LHFPL5: variants seen among roughly 807,000 people sequenced by gnomAD.
LHFPL5 encodes LHFPL tetraspan subfamily member 5 protein.
Under a neutral mutation model 18.7 loss-of-function variants are expected in LHFPL5, and 12 were observed. The observed-to-expected ratio is 0.64, with a 90% CI of 0.41 to 1.04. LHFPL5 has a LOEUF of 1.04. LHFPL5 is among the 50% of genes least tolerant of loss of function. The pLI is 0.00. For missense variants in LHFPL5, 259 were observed against 292.1 expected (o/e 0.89, Z 0.83); for synonymous variants, 111 against 120.2 (o/e 0.92, Z 0.50).
chr6:35,807,965 G>C (rs1158947060), intron 1 of LHFPL5, among the ~76,000 whole-genome samples: 1 of 152,146 alleles, frequency 6.6e-6, no homozygotes, highest in Non-Finnish European at 1.5e-5. Flanking sequence ...TGGGTAACTT[G>C]TCTTTGAGCA....
At chr6:35,808,318 T>C (rs1436459217) in intron 1 of LHFPL5, among the ~76,000 whole-genome samples, 1 of 142,244 alleles carries the variant, frequency 7.0e-6, no homozygotes, top group Non-Finnish European at 1.5e-5. Flanking sequence ...TATATATAAA[T>C]TAAAAATAAT....
intron 1 of LHFPL5, among the ~76,000 whole-genome samples, chr6:35,808,564 CATATAT>C (rs56343421): frequency 0.16 from 13,895 of 86,800 alleles, 977 homozygotes; most frequent in South Asian, 0.2. Flanking sequence ...TCATTTTATA[CATATAT>C]ATATATATAT....
At chr6:35,819,629 C>A in intron 3 of LHFPL5, 166 bp downstream of exon 3, 1 of 681,918 alleles carries the variant, frequency 1.5e-6, no homozygotes, top group Non-Finnish European at 2.7e-6. Flanking sequence ...AGCTATTTGG[C>A]CTCTGAGACC....
At chr6:35,812,290 G>A (rs374599410) in intron 1 of LHFPL5, among the ~76,000 whole-genome samples, 5 of 152,186 alleles carry the variant, frequency 3.3e-5, no homozygotes, top group African/African-American at 1.2e-4. Flanking sequence ...AGCAGGGAAG[G>A]TAACTTTAGG....
intron 1 of LHFPL5, among the ~76,000 whole-genome samples, chr6:35,810,913 C>T (rs1385976505): frequency 6.6e-6 from 1 of 151,916 alleles, no homozygotes; most frequent in African/African-American, 2.4e-5. Context: ...AGTAACAAAC[C>T]ACTCCCAAAT....
At chr6:35,806,106 A>T in intron 1 of LHFPL5, 24 bp downstream of exon 1, 2 of 1,611,184 alleles carry the variant, frequency 1.2e-6, no homozygotes, top group South Asian at 2.2e-5. Flanking sequence ...GTGGGAGGGC[A>T]GGCAGGGGCC....
In LHFPL5 at chr6:35,814,330, C is replaced by A. The variant is rs1768721065; in HGVS notation, c.413-216C>A. ...GAGCTCAGCTCTGCCTCCGCCCCAA[C>A]TACTGGGTCTCGGGGGCCAGTTGCT... On this transcript the variant is annotated intron_variant, in intron 1 of 3. Coordinates refer to ENST00000360215, the MANE Select transcript of LHFPL5 (RefSeq NM_182548.4). This position sits in a 1 kb window ranked among gnomAD's most constrained non-coding sequence, Gnocchi z 4.2. Among the ~76,000 whole-genome samples the A allele has an allele frequency of 6.6e-6, 1 of 152,156 alleles. No individual in the cohort carries two copies. Among genetic ancestry groups the A allele is most frequent in the African/African-American group, 2.4e-5 (1 of 41,444 alleles).
chr6:35,821,907 T>C (rs1768875964), intron 3 of LHFPL5, among the ~76,000 whole-genome samples: 1 of 134,180 alleles, frequency 7.5e-6, no homozygotes, highest in African/African-American at 2.7e-5. Context: ...AGGGTCTTGC[T>C]CTGTTGCCTA....
At position 35,819,741 on chromosome 6, in the gene LHFPL5, G is replaced by C. The variant is rs959059762; in HGVS notation, c.*16+278G>C. On this transcript the variant is annotated intron_variant, in intron 3 of 3. Coordinates refer to ENST00000360215, the MANE Select transcript of LHFPL5 (RefSeq NM_182548.4). ...TGCCCAAGCTGGAGTGCAATGGTGC[G>C]ATCTCGGCTCACTGCAACCTCCACC... 3 of 469,214 alleles carry C rather than the reference G, an allele frequency of 6.4e-6. No individual in the cohort carries two copies. In the Admixed American group the frequency reaches 1.0e-4, roughly 16 times the overall value. 29.1% of individuals were successfully genotyped at this position (469,214 alleles called of 1,614,324 possible). A position where few individuals can be genotyped will look rare whatever the true frequency, so the allele number is the denominator to read the frequency against.
intron 3 of LHFPL5, chr6:35,819,860 G>A (rs1768834211): frequency 3.6e-6 from 1 of 277,534 alleles, no homozygotes; most frequent in African/African-American, 2.2e-5. Context: ...TGTATTTTTA[G>A]TAGAAGCGGG....
intron 1 of LHFPL5, among the ~76,000 whole-genome samples, chr6:35,807,421 C>T (rs1768589753): frequency 6.6e-6 from 1 of 152,030 alleles, no homozygotes; most frequent in Non-Finnish European, 1.5e-5. Context: ...TCTCTGTAGC[C>T]CAGGAAGAGG....
At chr6:35,809,955 A>T (rs545120531) in intron 1 of LHFPL5, among the ~76,000 whole-genome samples, 17 of 152,386 alleles carry the variant, frequency 1.1e-4, no homozygotes, top group Non-Finnish European at 1.9e-4. Flanking sequence ...GGTAATTAGC[A>T]TATCCATCAC....
Position 35,814,853 on chromosome 6 carries a change from C to A in LHFPL5, c.649+71C>A. On this transcript the variant is annotated intron_variant, in intron 2 of 3. Coordinates refer to ENST00000360215, the MANE Select transcript of LHFPL5 (RefSeq NM_182548.4). The surrounding 1 kb of genome is among the most constrained non-coding windows in gnomAD (Gnocchi z 4.2). ...GGATGTGGGTGGGGGTTCATCTTAG[C>A]CAGTCCTCTAAGGCTTGGTCCCTGG... The A allele has an allele frequency of 7.3e-7, 1 of 1,376,994 alleles. No homozygotes were observed. The highest frequency in any genetic ancestry group is 1.0e-6 in the Non-Finnish European group (1 of 964,846). 85.3% of individuals were successfully genotyped at this position (1,376,994 alleles called of 1,614,324 possible). A position where few individuals can be genotyped will look rare whatever the true frequency, so the allele number is the denominator to read the frequency against.
In LHFPL5 at chr6:35,814,022, C is replaced by T. The variant is rs1561953734; in HGVS notation, c.413-524C>T. 6.6e-6 allele frequency among the ~76,000 whole-genome samples: 1 copy of T among 152,102 alleles called. No homozygotes were observed. On this transcript the variant is annotated intron_variant, in intron 1 of 3. Transcript: ENST00000360215. This position sits in a 1 kb window ranked among gnomAD's most constrained non-coding sequence, Gnocchi z 4.2. ...ATGTTGGTCAGGCTGGTCTCAAACT[C>T]CCAACCTCAGGTGATCTGCCCGCCT...
intron 2 of LHFPL5, among the ~76,000 whole-genome samples, chr6:35,816,164 C>A (rs1271125707): frequency 7.7e-6 from 1 of 129,740 alleles, no homozygotes; most frequent in Non-Finnish European, 1.6e-5. Flanking sequence ...GGTGACAGAG[C>A]GAGACTCCGT....
intron 2 of LHFPL5, among the ~76,000 whole-genome samples, chr6:35,818,620 G>A (rs1485844193): frequency 6.6e-6 from 1 of 151,360 alleles, no homozygotes; most frequent in Non-Finnish European, 1.5e-5. Context: ...AAAGTGTTGG[G>A]ATTATAGGTG....
chr6:35,819,301 T>C, intron 2 of LHFPL5, 136 bp from the exon 3 acceptor site: 1 of 790,718 alleles, frequency 1.3e-6, no homozygotes, highest in Non-Finnish European at 2.2e-6. Flanking sequence ...AGCTGATAAA[T>C]GATATGAACA....
In LHFPL5 at chr6:35,823,408, C is replaced by CAT. The variant is rs1768906838; in HGVS notation, c.*444_*445insTA. ...ATATATACACACACACACACACACA[C>CAT]ACACACACACACACACATACATACA... On this transcript the variant is annotated 3_prime_UTR_variant, in exon 4 of 4. Coordinates refer to ENST00000360215, the MANE Select transcript of LHFPL5 (RefSeq NM_182548.4). 1.4e-5 allele frequency: 2 copies of CAT among 145,986 alleles called. No homozygotes were observed. The highest frequency in any genetic ancestry group is 5.5e-5 in the African/African-American group (2 of 36,546). The allele number at this position is 145,986 out of a possible 1,614,324, so 9.0% of individuals were successfully genotyped here. A position where few individuals can be genotyped will look rare whatever the true frequency, so the allele number is the denominator to read the frequency against.
rs1768724163 is a variant in LHFPL5 at position 35,814,520 on chromosome 6, C to CA, written c.413-25dup. The CA allele has an allele frequency of 7.7e-6, 12 of 1,561,252 alleles. No homozygotes were observed. The highest frequency in any genetic ancestry group is 1.1e-5 in the Non-Finnish European group (12 of 1,131,790). ...GGGCTAGGCACACTCGGCCTGATGC[C>CA]ATGTGCACCCCTCCTTCCCCCTCAG... On this transcript the variant is annotated intron_variant, in intron 1 of 3. Transcript: ENST00000360215. This position sits in a 1 kb window ranked among gnomAD's most constrained non-coding sequence, Gnocchi z 4.2.
Sources: gnomAD v4.1 joint callset for allele counts (sites outside exome capture counted in the v4.1 genomes callset) on GRCh38, gnomAD v4.1.1 for gene constraint, Gnocchi (gnomAD v3.1) non-coding constraint, MANE v1.5 for transcripts, NCBI Gene and HGNC (gene_info 2026-07-23, HGNC 2026-07-21) for gene names.